KCNH1: variants seen among roughly 807,000 people sequenced by gnomAD.
KCNH1 encodes voltage-gated delayed rectifier potassium channel KCNH1.
KCNH1 carries 27 observed loss-of-function variants against 69.2 expected under a neutral mutation model. The observed-to-expected ratio is 0.39, with a 90% confidence interval of 0.29 to 0.54. The LOEUF (loss-of-function observed/expected upper bound fraction) is 0.54. Among genes scored for constraint, KCNH1 ranks in the 20% least tolerant of loss-of-function variants. The pLI is 0.68. For synonymous variants in KCNH1, 456 were observed against 487.7 expected (o/e 0.93, Z 0.86); for missense variants, 798 against 1,261.6 (o/e 0.63, Z 5.57).
intron 1 of KCNH1, among the ~76,000 whole-genome samples, chr1:211,114,319 A>T (rs1340122207): frequency 6.6e-6 from 1 of 152,138 alleles, no homozygotes; most frequent in Non-Finnish European, 1.5e-5. Context: ...CCCAGAAGAG[A>T]CTGAGTTACC....
rs1681271472 is a variant in KCNH1 at position 210,681,732 on chromosome 1, A to G, written c.*1549T>C. On this transcript the variant is annotated 3_prime_UTR_variant, in exon 11 of 11. Coordinates refer to ENST00000271751, the MANE Select transcript of KCNH1 (RefSeq NM_172362.3). ...ACACAGGCAAAGGTAAGCTCCCTGG[A>G]TAAGTCCATGCTGTCACCTGTACTC... The G allele has an allele frequency of 6.6e-6, 1 of 152,244 alleles. No homozygotes were observed. 9.4% of individuals were successfully genotyped at this position (152,244 alleles called of 1,614,324 possible).
intron 6 of KCNH1, 46 bp from the exon 7 acceptor site, chr1:210,920,115 C>T: frequency 6.4e-7 from 1 of 1,555,356 alleles, no homozygotes; most frequent in Non-Finnish European, 8.8e-7. Context: ...ACCAAAGATA[C>T]TACTCTCGTC....
intron 7 of KCNH1, among the ~76,000 whole-genome samples, chr1:210,839,498 A>G (rs1372342872): frequency 6.6e-6 from 1 of 152,346 alleles, no homozygotes; most frequent in African/African-American, 2.4e-5. Context: ...TACCTGGGTG[A>G]TGGGATGATC....
chr1:211,083,371 T>G (rs1388420262), intron 4 of KCNH1, among the ~76,000 whole-genome samples: 1 of 152,254 alleles, frequency 6.6e-6, no homozygotes, highest in Non-Finnish European at 1.5e-5. Flanking sequence ...GCTAGTCAAA[T>G]GGCCATTCTA....
At chr1:210,764,944 GACATGGAATC>G (rs1683594507) in intron 10 of KCNH1, among the ~76,000 whole-genome samples, 1 of 152,098 alleles carries the variant, frequency 6.6e-6, no homozygotes, top group African/African-American at 2.4e-5. Context: ...CAATAGCAAA[GACATGGAATC>G]AACCCAGGTG....
At chr1:211,052,196 A>C (rs552860049) in intron 5 of KCNH1, among the ~76,000 whole-genome samples, 1 of 152,352 alleles carries the variant, frequency 6.6e-6, no homozygotes, top group African/African-American at 2.4e-5. Flanking sequence ...TCCCAGCCTC[A>C]GAAAAGAGAG....
intron 9 of KCNH1, among the ~76,000 whole-genome samples, chr1:210,796,958 C>T (rs187135967): frequency 1.3e-3 from 200 of 152,250 alleles, no homozygotes; most frequent in Middle Eastern, 0.01. Flanking sequence ...GCTTCCAGAG[C>T]CTGCCACGAT....
chr1:211,094,752 C>G (rs1691115431), intron 3 of KCNH1, among the ~76,000 whole-genome samples: 1 of 152,184 alleles, frequency 6.6e-6, no homozygotes, highest in East Asian at 1.9e-4. Flanking sequence ...CAAACTATCA[C>G]TACCCAAACA....
intron 6 of KCNH1, among the ~76,000 whole-genome samples, chr1:210,943,617 G>T (rs556095113): frequency 6.6e-5 from 10 of 152,268 alleles, no homozygotes; most frequent in Non-Finnish European, 1.5e-4. Context: ...CTCCCAAAGT[G>T]CTGGGATTAC....
chr1:211,100,032 T>C (rs1691229818), intron 3 of KCNH1, among the ~76,000 whole-genome samples: 1 of 152,202 alleles, frequency 6.6e-6, no homozygotes, highest in Non-Finnish European at 1.5e-5. Flanking sequence ...GCCATATTTC[T>C]TTTCATTTCT....
At chr1:211,051,156 C>T (rs1354395172) in intron 5 of KCNH1, among the ~76,000 whole-genome samples, 1 of 152,066 alleles carries the variant, frequency 6.6e-6, no homozygotes, top group African/African-American at 2.4e-5. Context: ...CACCACCACA[C>T]CTGGCTAATG....
At chr1:210,727,967 ATGAG>A (rs1371742311) in intron 10 of KCNH1, among the ~76,000 whole-genome samples, 2 of 152,224 alleles carry the variant, frequency 1.3e-5, no homozygotes, top group Non-Finnish European at 2.9e-5. Flanking sequence ...ATCAGGACAA[ATGAG>A]ACCAGGAGGT....
In KCNH1 at chr1:210,919,309, C is replaced by A; in HGVS notation, c.1462+331G>T. On this transcript the variant is annotated intron_variant, in intron 7 of 10. Coordinates refer to ENST00000271751, the MANE Select transcript of KCNH1 (RefSeq NM_172362.3). This position sits in a 1 kb window ranked among gnomAD's most constrained non-coding sequence, Gnocchi z 4.2. Reference sequence around the variant, plus strand: ...TACTAAAGTGCGTATGCAGCAAGATCTCATTTTAAGTTTATAAAAATCTAT... The same window carrying A: ...TACTAAAGTGCGTATGCAGCAAGATATCATTTTAAGTTTATAAAAATCTAT... 1 of 208,950 alleles carries A rather than the reference C, an allele frequency of 4.8e-6. No homozygotes were observed. The highest frequency in any genetic ancestry group is 9.8e-6 in the Non-Finnish European group (1 of 102,522). 12.9% of individuals were successfully genotyped at this position (208,950 alleles called of 1,614,324 possible).
intron 3 of KCNH1, 38 bp downstream of exon 3, chr1:211,103,458 C>T: frequency 7.6e-7 from 1 of 1,315,758 alleles, no homozygotes; most frequent in Non-Finnish European, 1.1e-6. Context: ...CTATTTCAAA[C>T]ACATAAAGGT....
intron 6 of KCNH1, among the ~76,000 whole-genome samples, chr1:210,977,562 A>G (rs971273716): frequency 1.3e-5 from 2 of 152,120 alleles, no homozygotes; most frequent in Admixed American, 6.6e-5. Flanking sequence ...GAATTTCTTA[A>G]TAAATGAGAT....
At chr1:210,840,725 A>G (rs1685388366) in intron 7 of KCNH1, among the ~76,000 whole-genome samples, 1 of 152,220 alleles carries the variant, frequency 6.6e-6, no homozygotes, top group South Asian at 2.1e-4. Context: ...AGCCTGCATT[A>G]GCAGTTTTCA....
intron 6 of KCNH1, among the ~76,000 whole-genome samples, chr1:210,971,498 A>T (rs966684009): frequency 1.3e-5 from 2 of 152,176 alleles, no homozygotes; most frequent in Non-Finnish European, 2.9e-5. Context: ...CAAGGTAATA[A>T]ATACTCAAGG....
chr1:210,877,253 C>T (rs995238545), intron 7 of KCNH1, among the ~76,000 whole-genome samples: 1 of 152,030 alleles, frequency 6.6e-6, no homozygotes, highest in Non-Finnish European at 1.5e-5. Context: ...AGGAATAGAG[C>T]AGGGACGTAA....
intron 7 of KCNH1, among the ~76,000 whole-genome samples, chr1:210,882,137 T>C (rs778864064): frequency 4.7e-4 from 71 of 152,278 alleles, no homozygotes; most frequent in Admixed American, 1.6e-3. Context: ...GGGTAAGAGA[T>C]ACATGAGAAA....
Sources: gnomAD v4.1 joint callset for allele counts (sites outside exome capture counted in the v4.1 genomes callset) on GRCh38, gnomAD v4.1.1 for gene constraint, Gnocchi (gnomAD v3.1) non-coding constraint, MANE v1.5 for transcripts, NCBI Gene and HGNC (gene_info 2026-07-23, HGNC 2026-07-21) for gene names.